Variants in CDH18 observed in about 807,000 individuals in gnomAD.
The protein encoded by CDH18 is cadherin-18.
A neutral mutation model predicts 67.9 loss-of-function variants in CDH18; 31 were observed. That is an observed-to-expected ratio of 0.46 (90% CI 0.34 to 0.62). The LOEUF is 0.62. CDH18 is among the 20% of genes least tolerant of loss of function. The pLI is 0.01. For missense variants in CDH18, 890 were observed against 975.5 expected (o/e 0.91, Z 1.17); for synonymous variants, 362 against 347.2 (o/e 1.04, Z -0.48).
chr5:19,821,485 C>T (rs1779874309), intron 3 of CDH18, among the ~76,000 whole-genome samples: 1 of 150,630 alleles, frequency 6.6e-6, no homozygotes, highest in Non-Finnish European at 1.5e-5. Flanking sequence ...AGAGAACAAA[C>T]CCACAATTCC....
At chr5:20,030,687 G>A (rs1004349216) in intron 2 of CDH18, among the ~76,000 whole-genome samples, 3 of 152,202 alleles carry the variant, frequency 2.0e-5, no homozygotes, top group Admixed American at 6.5e-5. Flanking sequence ...AGATGTGAAT[G>A]GCCAAAAAAG....
intron 1 of CDH18, among the ~76,000 whole-genome samples, chr5:20,437,747 A>G (rs1488919878): frequency 6.6e-6 from 1 of 151,452 alleles, no homozygotes; most frequent in Non-Finnish European, 1.5e-5. Flanking sequence ...AAACAAAGAT[A>G]AGTTTTATTC....
At chr5:19,608,653 T>C (rs1055483208) in intron 6 of CDH18, among the ~76,000 whole-genome samples, 2 of 151,814 alleles carry the variant, frequency 1.3e-5, no homozygotes, top group Non-Finnish European at 2.9e-5. Flanking sequence ...AGCTTGATCC[T>C]CCAATATTAC....
In CDH18 at chr5:20,537,153, T is replaced by C. The variant is rs372414137; in HGVS notation, c.-580+38309A>G. Reference sequence around the variant, plus strand: ...CATTAGAGGGCTGATAACTTGTAAATAGAGTTTTGCTCACTGGTGTCTAAT... The same window carrying C: ...CATTAGAGGGCTGATAACTTGTAAACAGAGTTTTGCTCACTGGTGTCTAAT... On this transcript the variant is annotated intron_variant, in intron 1 of 14. Transcript: ENST00000507958. 2.0e-4 allele frequency among the ~76,000 whole-genome samples: 30 copies of C among 152,260 alleles called. No homozygotes were observed. In the East Asian group the frequency reaches 3.7e-3, roughly 19 times the overall value.
chr5:20,351,411 A>G (rs1281417673), intron 1 of CDH18, among the ~76,000 whole-genome samples: 1 of 152,114 alleles, frequency 6.6e-6, no homozygotes, highest in Admixed American at 6.6e-5. Flanking sequence ...AGCAGCTGTC[A>G]TTTATTTGAG....
intron 2 of CDH18, among the ~76,000 whole-genome samples, chr5:19,956,659 A>T (rs1486612431): frequency 6.7e-6 from 1 of 149,136 alleles, no homozygotes; most frequent in Non-Finnish European, 1.5e-5. Context: ...TATATCTAAC[A>T]AGTCTCTTGT....
At chr5:20,400,279 A>G (rs990079334) in intron 1 of CDH18, among the ~76,000 whole-genome samples, 1 of 152,028 alleles carries the variant, frequency 6.6e-6, no homozygotes, top group Non-Finnish European at 1.5e-5. Context: ...GGAATTTGAG[A>G]CCAGCTTGGC....
chr5:20,084,622 C>A (rs1744789432), intron 2 of CDH18, among the ~76,000 whole-genome samples: 1 of 152,186 alleles, frequency 6.6e-6, no homozygotes, highest in Non-Finnish European at 1.5e-5. Context: ...GTCCCTGTAG[C>A]AAACTTGTGC....
intron 3 of CDH18, among the ~76,000 whole-genome samples, chr5:19,781,543 G>T (rs1229226198): frequency 2.0e-5 from 3 of 151,934 alleles, no homozygotes; most frequent in African/African-American, 7.2e-5. Context: ...AATTATTGAG[G>T]AATAAGTTCT....
chr5:20,172,712 C>T (rs1303319334), intron 2 of CDH18, among the ~76,000 whole-genome samples: 2 of 152,012 alleles, frequency 1.3e-5, no homozygotes, highest in African/African-American at 4.8e-5. Flanking sequence ...CCATTGTCGG[C>T]AGGCATGGTG....
intron 3 of CDH18, among the ~76,000 whole-genome samples, chr5:19,785,691 T>A (rs867833766): frequency 0.015 from 714 of 46,506 alleles, 10 homozygotes; most frequent in Non-Finnish European, 0.017. Flanking sequence ...TATATATATA[T>A]ATATATATAT....
intron 2 of CDH18, among the ~76,000 whole-genome samples, chr5:20,011,763 T>C (rs191164249): frequency 1.3e-5 from 2 of 152,142 alleles, no homozygotes; most frequent in Admixed American, 1.3e-4. Context: ...TTGATTGGCA[T>C]ATGTTGACCC....
chr5:19,783,304 C>G (rs1260640908), intron 3 of CDH18, among the ~76,000 whole-genome samples: 2 of 152,094 alleles, frequency 1.3e-5, no homozygotes, highest in Non-Finnish European at 2.9e-5. Context: ...GATAAGAAGT[C>G]TCTTAACCTC....
At chr5:19,509,946 T>C (rs1238978355) in intron 10 of CDH18, among the ~76,000 whole-genome samples, 1 of 152,152 alleles carries the variant, frequency 6.6e-6, no homozygotes, top group Non-Finnish European at 1.5e-5. Flanking sequence ...ATTGTTGCAG[T>C]TTACATTAGT....
rs149834317 is a variant in CDH18, at chr5:20,483,075, G to T, written c.-580+92387C>A. Among the ~76,000 whole-genome samples the T allele has an allele frequency of 4.0e-3, 601 of 152,142 alleles. 6 individuals are homozygous for T. The highest frequency in any genetic ancestry group is 0.014 in the African/African-American group (574 of 41,566). On this transcript the variant is annotated intron_variant, in intron 1 of 14. Coordinates refer to the CDH18 transcript ENST00000507958. ...AAATGATAAATTCAGTAAAGTTGAA[G>T]GATGTAACATCGGCATACAAAAACC...
chr5:19,538,502 G>A (rs934553820), intron 9 of CDH18, among the ~76,000 whole-genome samples: 7 of 151,886 alleles, frequency 4.6e-5, no homozygotes, highest in African/African-American at 1.2e-4. Flanking sequence ...CATCTTTATC[G>A]CACTCATAAT....
At chr5:19,972,359 A>G (rs1798110066) in intron 2 of CDH18, among the ~76,000 whole-genome samples, 1 of 152,066 alleles carries the variant, frequency 6.6e-6, no homozygotes, top group Non-Finnish European at 1.5e-5. Flanking sequence ...CAAAATTACT[A>G]AGTCTATAAA....
intron 3 of CDH18, among the ~76,000 whole-genome samples, chr5:19,814,335 C>T (rs532333995): frequency 1.3e-4 from 19 of 151,850 alleles, no homozygotes; most frequent in African/African-American, 3.6e-4. Context: ...TTGGTTTGGC[C>T]TTCCAGGCAT....
At chr5:19,989,152 A>G (rs944484413), upstream of CDH18, among the ~76,000 whole-genome samples, 2 of 152,236 alleles carry the variant, frequency 1.3e-5, no homozygotes, top group South Asian at 4.1e-4. Context: ...TCACCCATTG[A>G]GCACATCAAG....
Sources: allele counts gnomAD v4.1 joint callset (sites outside exome capture counted in the v4.1 genomes callset), GRCh38; gene constraint gnomAD v4.1.1; transcripts MANE v1.5; gene names NCBI Gene and HGNC (gene_info 2026-07-23, HGNC 2026-07-21).